The following GUCY1A2 variants were observed in gnomAD, a reference collection of about 807,000 sequenced individuals.
The protein encoded by GUCY1A2 is guanylate cyclase 1 soluble subunit alpha 2, also known as guanylate cyclase soluble subunit alpha-2.
In GUCY1A2, 27 loss-of-function variants were observed where a neutral mutation model predicts 63.5. The ratio of observed to expected loss-of-function variants is 0.43; its 90% CI spans 0.31 to 0.59. GUCY1A2 has a LOEUF of 0.59. GUCY1A2 is among the 20% of genes least tolerant of loss of function. GUCY1A2 has a pLI of 0.11. For synonymous variants in GUCY1A2, 364 were observed against 343.5 expected (o/e 1.06, Z -0.66); for missense variants, 768 against 913.3 (o/e 0.84, Z 2.05).
At chr11:106,746,718 T>A in intron 6 of GUCY1A2, 1 of 765,640 alleles carries the variant, frequency 1.3e-6, no homozygotes, top group Non-Finnish European at 2.2e-6. Flanking sequence ...CATTTTTTAT[T>A]TGCATATACA....
intron 4 of GUCY1A2, among the ~76,000 whole-genome samples, chr11:106,851,796 G>T (rs1859359466): frequency 6.6e-6 from 1 of 151,796 alleles, no homozygotes; most frequent in Non-Finnish European, 1.5e-5. Context: ...GATGCCTACA[G>T]CTTTGATCTT....
At chr11:106,740,153 C>T (rs1863667293) in intron 6 of GUCY1A2, among the ~76,000 whole-genome samples, 1 of 151,980 alleles carries the variant, frequency 6.6e-6, no homozygotes, top group Non-Finnish European at 1.5e-5. Context: ...CACCCACCAC[C>T]ATGTCCGGCT....
At position 106,682,479 on chromosome 11, in the gene GUCY1A2, C is replaced by G. The variant is rs1862448287; in HGVS notation, c.*5070G>C. Reference sequence around the variant, plus strand: ...TATTCCTAAAACTCCCTACGGAATTCTTATGAAGCCAGCCAGATACTTCCA... The same window carrying G: ...TATTCCTAAAACTCCCTACGGAATTGTTATGAAGCCAGCCAGATACTTCCA... On this transcript the variant is annotated 3_prime_UTR_variant, in exon 8 of 8. Coordinates refer to ENST00000526355, the MANE Select transcript of GUCY1A2 (RefSeq NM_000855.3). 4.8e-6 allele frequency: 1 copy of G among 210,144 alleles called. No individual in the cohort carries two copies. Among genetic ancestry groups the G allele is most frequent in the Admixed American group, 5.9e-5 (1 of 16,898 alleles). 13.0% of individuals were successfully genotyped at this position (210,144 alleles called of 1,614,324 possible).
intron 1 of GUCY1A2, among the ~76,000 whole-genome samples, chr11:107,007,175 T>A (rs1861682348): frequency 6.6e-6 from 1 of 152,200 alleles, no homozygotes; most frequent in African/African-American, 2.4e-5. Flanking sequence ...TTTCAAGGAT[T>A]AGTCCTAACT....
intron 6 of GUCY1A2, among the ~76,000 whole-genome samples, chr11:106,714,200 A>T (rs942349365): frequency 2.0e-5 from 3 of 152,066 alleles, no homozygotes; most frequent in African/African-American, 7.2e-5. Context: ...TTGAGGGGGC[A>T]GAGGGTCATA....
intron 4 of GUCY1A2, among the ~76,000 whole-genome samples, chr11:106,925,314 A>T (rs1184710945): frequency 6.6e-6 from 1 of 152,180 alleles, no homozygotes; most frequent in African/African-American, 2.4e-5. Flanking sequence ...AACTGCTGTA[A>T]TAAAACATTG....
chr11:106,760,190 T>C (rs1864041612), intron 6 of GUCY1A2, among the ~76,000 whole-genome samples: 1 of 152,220 alleles, frequency 6.6e-6, no homozygotes, highest in South Asian at 2.1e-4. Context: ...CTTAGTTTGT[T>C]GGTTCTTTGT....
At chr11:106,913,651 TC>T (rs1260133768) in intron 4 of GUCY1A2, among the ~76,000 whole-genome samples, 4 of 151,970 alleles carry the variant, frequency 2.6e-5, no homozygotes, top group African/African-American at 9.7e-5. Flanking sequence ...CACATAGACA[TC>T]AAAGTACAGC....
At chr11:106,923,612 G>C (rs1447954025) in intron 4 of GUCY1A2, among the ~76,000 whole-genome samples, 1 of 152,024 alleles carries the variant, frequency 6.6e-6, no homozygotes, top group Non-Finnish European at 1.5e-5. Context: ...TGACAAAAAG[G>C]TACATTAGGA....
chr11:106,888,230 G>A (rs554063433), intron 4 of GUCY1A2, among the ~76,000 whole-genome samples: 1 of 152,022 alleles, frequency 6.6e-6, no homozygotes, highest in Non-Finnish European at 1.5e-5. Context: ...AGGCCAAGGC[G>A]GGTGGATCAT....
chr11:106,895,004 T>C (rs1056349315), intron 4 of GUCY1A2, among the ~76,000 whole-genome samples: 4 of 152,134 alleles, frequency 2.6e-5, no homozygotes, highest in African/African-American at 9.7e-5. Flanking sequence ...AATAAGCCTC[T>C]AGCCAGGCTA....
intron 6 of GUCY1A2, among the ~76,000 whole-genome samples, chr11:106,723,346 A>G (rs1863351118): frequency 6.6e-6 from 1 of 152,234 alleles, no homozygotes; most frequent in South Asian, 2.1e-4. Context: ...TATGAACTGT[A>G]TTCACGATTC....
At chr11:106,902,415 T>C (rs1463305341) in intron 4 of GUCY1A2, among the ~76,000 whole-genome samples, 2 of 152,224 alleles carry the variant, frequency 1.3e-5, no homozygotes, top group Non-Finnish European at 2.9e-5. Flanking sequence ...CCAGCTGCAT[T>C]AGCTCCTAAC....
At chr11:106,967,767 G>A (rs1318843260) in intron 3 of GUCY1A2, among the ~76,000 whole-genome samples, 6 of 147,020 alleles carry the variant, frequency 4.1e-5, no homozygotes, top group African/African-American at 1.5e-4. Context: ...AAGCAAGGAG[G>A]GAGGGAAGCA....
In GUCY1A2 at chr11:107,018,060, C is replaced by T; in HGVS notation, c.-5G>A. On this transcript the variant is annotated 5_prime_UTR_variant, in exon 1 of 8. Coordinates refer to ENST00000526355, the MANE Select transcript of GUCY1A2 (RefSeq NM_000855.3). ...CGAAATCTTCCTTCGAGACATGCTG[C>T]CGGCGGAGCTGCAGCGGCCGAGGCG... 3.4e-6 allele frequency: 5 copies of T among 1,450,362 alleles called. No individual in the cohort carries two copies. Among genetic ancestry groups the T allele is most frequent in the Non-Finnish European group, 4.6e-6 (5 of 1,088,654 alleles). 89.8% of individuals were successfully genotyped at this position (1,450,362 alleles called of 1,614,324 possible).
chr11:106,792,287 G>A (rs1284043222), intron 5 of GUCY1A2, among the ~76,000 whole-genome samples: 1 of 150,898 alleles, frequency 6.6e-6, no homozygotes, highest in African/African-American at 2.4e-5. Flanking sequence ...TGGGGAGGCT[G>A]AGGCAGGACA....
At chr11:106,880,666 G>A (rs1390841654) in intron 4 of GUCY1A2, among the ~76,000 whole-genome samples, 2 of 152,032 alleles carry the variant, frequency 1.3e-5, no homozygotes, top group African/African-American at 4.8e-5. Flanking sequence ...AGGTTCAGTT[G>A]TCAAAAAATT....
chr11:106,847,650 C>CA (rs1041385134), intron 4 of GUCY1A2, among the ~76,000 whole-genome samples: 22 of 150,492 alleles, frequency 1.5e-4, no homozygotes, highest in Non-Finnish European at 1.6e-4. Context: ...TTCAGTGGCA[C>CA]AAAAAAAAGT....
chr11:106,751,300 C>T (rs1041910676), intron 6 of GUCY1A2, among the ~76,000 whole-genome samples: 1 of 152,060 alleles, frequency 6.6e-6, no homozygotes. Context: ...AGAATCTTCT[C>T]TATTTCTATT....
Sources: gnomAD v4.1 joint callset for allele counts (sites outside exome capture counted in the v4.1 genomes callset) on GRCh38, gnomAD v4.1.1 for gene constraint, MANE v1.5 for transcripts, NCBI Gene and HGNC (gene_info 2026-07-23, HGNC 2026-07-21) for gene names.